The following ESR1 variants were observed in gnomAD, a reference collection of about 807,000 sequenced individuals.
ESR1 encodes the protein estrogen receptor 1.
A neutral mutation model predicts 52.7 loss-of-function variants in ESR1; 12 were observed. The observed-to-expected ratio is 0.23, with a 90% CI of 0.15 to 0.37. ESR1 has a LOEUF of 0.37. Ranked by LOEUF, ESR1 falls within the 10% of genes least tolerant of loss-of-function variation. ESR1 has a pLI of 1.00. For missense variants in ESR1, 584 were observed against 779.7 expected (o/e 0.75, Z 2.99); for synonymous variants, 305 against 316.8 (o/e 0.96, Z 0.39).
intron 2 of ESR1, among the ~76,000 whole-genome samples, chr6:151,777,454 A>T (rs1004985717): frequency 2.6e-5 from 4 of 152,002 alleles, no homozygotes; most frequent in African/African-American, 9.7e-5. Flanking sequence ...AAGTAAGGGT[A>T]TTGGTTAGGG....
chr6:152,093,198 C>A (rs919519564), intron 6 of ESR1, among the ~76,000 whole-genome samples: 1 of 151,828 alleles, frequency 6.6e-6, no homozygotes, highest in African/African-American at 2.4e-5. Flanking sequence ...ACTGTTTAAA[C>A]CTGGGAGGCA....
Position 152,098,843 on chromosome 6 carries a change from T to G in ESR1, c.1665T>G (p.Arg555=). Residue 555 remains arginine (R), a synonymous_variant, in exon 8 of 8, where the codon CGT becomes CGG. Transcript: ENST00000206249. This position sits in a 1 kb window ranked among gnomAD's most constrained non-coding sequence, Gnocchi z 5.1. ...DAHRLHAPTS[R]GGASVEETDQ... is the part of the protein sequence containing the mutation. Reference sequence around the variant, plus strand: ...ACCGCCTACATGCGCCCACTAGCCGTGGAGGGGCATCCGTGGAGGAGACGG... The same window carrying G: ...ACCGCCTACATGCGCCCACTAGCCGGGGAGGGGCATCCGTGGAGGAGACGG... 6.2e-7 allele frequency: 1 copy of G among 1,614,166 alleles called. No homozygotes were observed. Among genetic ancestry groups the G allele is most frequent in the Non-Finnish European group, 8.5e-7 (1 of 1,180,026 alleles).
intron 5 of ESR1, among the ~76,000 whole-genome samples, chr6:152,040,347 G>A (rs558420258): frequency 2.1e-4 from 32 of 152,268 alleles, no homozygotes; most frequent in African/African-American, 7.5e-4. Flanking sequence ...TCCACAGAAC[G>A]AGTCATCCAA....
chr6:151,726,494 G>A (rs1195491929), intron 2 of ESR1, among the ~76,000 whole-genome samples: 1 of 152,080 alleles, frequency 6.6e-6, no homozygotes, highest in African/African-American at 2.4e-5. Flanking sequence ...ACCACTTCCG[G>A]CTAATTTTTG....
At chr6:151,823,582 C>G (rs1381118086) in intron 1 of ESR1, among the ~76,000 whole-genome samples, 1 of 152,014 alleles carries the variant, frequency 6.6e-6, no homozygotes, top group African/African-American at 2.4e-5. Flanking sequence ...TTAACTCATC[C>G]TTTACATTAG....
chr6:152,022,127 G>A (rs1393691537), intron 5 of ESR1, among the ~76,000 whole-genome samples: 1 of 152,166 alleles, frequency 6.6e-6, no homozygotes, highest in African/African-American at 2.4e-5. Flanking sequence ...ATCTCCAAGT[G>A]TGGTCATGAC....
chr6:152,025,780 T>C (rs1315751493), intron 5 of ESR1, among the ~76,000 whole-genome samples: 1 of 152,024 alleles, frequency 6.6e-6, no homozygotes, highest in East Asian at 1.9e-4. Context: ...TATCAGTTAA[T>C]GTTTTAGTTC....
intron 3 of ESR1, among the ~76,000 whole-genome samples, chr6:151,931,854 G>T (rs1396751050): frequency 7.0e-6 from 1 of 142,946 alleles, no homozygotes; most frequent in Admixed American, 7.0e-5. Context: ...GTCTATCATT[G>T]TTGGACATTT....
At chr6:152,085,312 AAAAACAAAAC>A (rs143487490) in intron 6 of ESR1, among the ~76,000 whole-genome samples, 18 of 151,850 alleles carry the variant, frequency 1.2e-4, no homozygotes, top group East Asian at 1.9e-4. Context: ...CTCTTTCTAA[AAAAACAAAAC>A]AAAACAAAAC....
chr6:151,767,891 C>T (rs556745882), intron 2 of ESR1, among the ~76,000 whole-genome samples: 22 of 152,234 alleles, frequency 1.4e-4, no homozygotes, highest in Non-Finnish European at 3.2e-4. Context: ...GGAGAGCAAA[C>T]CTAGAAGGGG....
At chr6:152,125,656 G>A (rs922193598) in exon 7 of ESR1, 4 of 256,632 alleles carry the variant, frequency 1.6e-5, no homozygotes, top group African/African-American at 8.8e-5. Flanking sequence ...ACTGAAGAGA[G>A]CTCCCACAAT....
chr6:151,723,153 T>C (rs1458452778), intron 2 of ESR1, among the ~76,000 whole-genome samples: 2 of 151,860 alleles, frequency 1.3e-5, no homozygotes, highest in Admixed American at 1.3e-4. Context: ...TCCTCACAAG[T>C]GGGAGCTATT....
chr6:151,931,016 GT>G (rs574334324), intron 3 of ESR1, among the ~76,000 whole-genome samples: 1 of 151,748 alleles, frequency 6.6e-6, no homozygotes, highest in African/African-American at 2.4e-5. Flanking sequence ...TGTTTGTTTT[GT>G]TTTTTTGTAA....
chr6:151,719,702 T>C (rs1781321235), intron 2 of ESR1, among the ~76,000 whole-genome samples: 1 of 152,180 alleles, frequency 6.6e-6, no homozygotes, highest in Non-Finnish European at 1.5e-5. Flanking sequence ...ATGTGAAAAC[T>C]TAATTGGCGA....
At chr6:151,724,303 G>T (rs183760929) in intron 2 of ESR1, among the ~76,000 whole-genome samples, 2 of 152,084 alleles carry the variant, frequency 1.3e-5, no homozygotes, top group South Asian at 4.1e-4. Flanking sequence ...ATGAAGTGAA[G>T]GCTATCATGT....
chr6:151,660,757 TAGAA>T (rs1385706435), intron 1 of ESR1, among the ~76,000 whole-genome samples: 1 of 152,194 alleles, frequency 6.6e-6, no homozygotes, highest in South Asian at 2.1e-4. Context: ...TATTTATAAA[TAGAA>T]AGAAAGATAT....
intron 3 of ESR1, among the ~76,000 whole-genome samples, chr6:151,922,183 G>A (rs560874820): frequency 3.3e-5 from 5 of 152,100 alleles, no homozygotes; most frequent in South Asian, 2.1e-4. Context: ...TTTGACCTTC[G>A]AGAAACATGA....
At chr6:152,122,283 C>T (rs1304236184) in intron 6 of ESR1, 1 of 1,181,554 alleles carries the variant, frequency 8.5e-7, no homozygotes, top group African/African-American at 1.5e-5. Flanking sequence ...CCTCTGAAGC[C>T]ATAATTTGCA....
At chr6:151,734,332 G>A (rs1196808652) in intron 2 of ESR1, among the ~76,000 whole-genome samples, 3 of 152,192 alleles carry the variant, frequency 2.0e-5, no homozygotes, top group African/African-American at 4.8e-5. Flanking sequence ...CTTTGTGGCA[G>A]CCATGATTCT....
Sources: gnomAD v4.1 joint callset for allele counts (sites outside exome capture counted in the v4.1 genomes callset) on GRCh38, gnomAD v4.1.1 for gene constraint, Gnocchi (gnomAD v3.1) non-coding constraint, MANE v1.5 for transcripts, NCBI Gene and HGNC (gene_info 2026-07-23, HGNC 2026-07-21) for gene names.